EBF2: variants seen among roughly 807,000 people sequenced by gnomAD.
The protein encoded by EBF2 is transcription factor COE2.
A neutral mutation model predicts 72.8 loss-of-function variants in EBF2; 21 were observed. That is an observed-to-expected ratio of 0.29 (90% CI 0.20 to 0.42). The LOEUF (loss-of-function observed/expected upper bound fraction) is 0.42. EBF2 is among the 10% of genes least tolerant of loss of function. EBF2 has a pLI of 1.00. For missense variants in EBF2, 637 were observed against 731.2 expected, an observed-to-expected ratio of 0.87 and a Z score of 1.49; for synonymous variants, 299 against 274.2, an observed-to-expected ratio of 1.09 and a Z score of -0.89.
intron 7 of EBF2, among the ~76,000 whole-genome samples, chr8:25,892,285 TG>T (rs1440364882): frequency 2.0e-5 from 3 of 152,216 alleles, no homozygotes; most frequent in African/African-American, 7.2e-5. Flanking sequence ...CTTATTGTAC[TG>T]TACCTTGGGT....
chr8:25,978,443 A>G (rs1804303111), intron 6 of EBF2, among the ~76,000 whole-genome samples: 1 of 152,204 alleles, frequency 6.6e-6, no homozygotes, highest in African/African-American at 2.4e-5. Context: ...CTGCAAATAA[A>G]TCAGGAATGC....
intron 3 of EBF2, 102 bp downstream of exon 3, chr8:26,040,837 G>A (rs1805587201): frequency 6.4e-7 from 1 of 1,553,088 alleles, no homozygotes; most frequent in Non-Finnish European, 8.8e-7. Context: ...CCGCCGCCCT[G>A]GGCTCCATGC....
chr8:26,032,176 AT>A (rs1397156708), intron 6 of EBF2: 4 of 152,300 alleles, frequency 2.6e-5, no homozygotes, highest in African/African-American at 9.6e-5. Context: ...CAAGATCAGA[AT>A]TCCAGCCTCC....
chr8:25,894,576 C>A (rs1802836733), intron 7 of EBF2, among the ~76,000 whole-genome samples: 1 of 152,096 alleles, frequency 6.6e-6, no homozygotes, highest in South Asian at 2.1e-4. Flanking sequence ...TCTCGTTTTC[C>A]CCCTGGTTTG....
chr8:26,008,017 G>T (rs1433951168), intron 6 of EBF2, among the ~76,000 whole-genome samples: 1 of 152,074 alleles, frequency 6.6e-6, no homozygotes, highest in African/African-American at 2.4e-5. Flanking sequence ...GTTCACAGAG[G>T]CTAATATTTG....
chr8:25,844,928 C>T (rs1413220543), intron 15 of EBF2, among the ~76,000 whole-genome samples: 3 of 152,132 alleles, frequency 2.0e-5, no homozygotes, highest in African/African-American at 7.2e-5. Context: ...AATGAGACAA[C>T]AGATGTAAAC....
chr8:26,037,437 G>T (rs1017672367), intron 5 of EBF2, among the ~76,000 whole-genome samples: 3 of 152,188 alleles, frequency 2.0e-5, no homozygotes. Flanking sequence ...CGCACAGCAT[G>T]GTGGCTTTTG....
At chr8:25,933,633 G>A (rs895414186) in intron 6 of EBF2, among the ~76,000 whole-genome samples, 1 of 152,182 alleles carries the variant, frequency 6.6e-6, no homozygotes, top group African/African-American at 2.4e-5. Flanking sequence ...TACAAAAGAT[G>A]TTCCTTGCAG....
intron 6 of EBF2, among the ~76,000 whole-genome samples, chr8:25,909,078 A>C (rs983814494): frequency 6.6e-6 from 1 of 152,242 alleles, no homozygotes; most frequent in African/African-American, 2.4e-5. Flanking sequence ...GACAAAGTCC[A>C]TCTGTGCAGG....
chr8:26,041,043 C>A, intron 2 of EBF2, 41 bp from the exon 3 acceptor site: 1 of 1,609,948 alleles, frequency 6.2e-7, no homozygotes, highest in Non-Finnish European at 8.5e-7. Context: ...GCCTTTCAGC[C>A]CCCCAAAATG....
intron 6 of EBF2, chr8:26,031,976 T>C (rs1378975662): frequency 6.6e-6 from 1 of 152,222 alleles, no homozygotes; most frequent in Admixed American, 6.5e-5. Flanking sequence ...GCAAAGACAC[T>C]ATACACATCC....
At chr8:25,897,173 G>C (rs1802874234) in intron 7 of EBF2, among the ~76,000 whole-genome samples, 1 of 151,922 alleles carries the variant, frequency 6.6e-6, no homozygotes, top group Non-Finnish European at 1.5e-5. Flanking sequence ...AGAAGGGACT[G>C]GGCATCAATG....
chr8:26,011,111 A>G (rs1180625585), intron 6 of EBF2, among the ~76,000 whole-genome samples: 1 of 152,168 alleles, frequency 6.6e-6, no homozygotes, highest in Non-Finnish European at 1.5e-5. Flanking sequence ...TCAGCTTAGC[A>G]CTTTATGGAT....
At chr8:26,040,831 C>A in intron 3 of EBF2, 108 bp downstream of exon 3, 1 of 1,535,800 alleles carries the variant, frequency 6.5e-7, no homozygotes, top group Non-Finnish European at 8.9e-7. Context: ...AGCCTCCCGC[C>A]GCCCTGGGCT....
chr8:26,039,469 G>A (rs1805563290), intron 5 of EBF2, among the ~76,000 whole-genome samples: 1 of 152,070 alleles, frequency 6.6e-6, no homozygotes, highest in South Asian at 2.1e-4. Flanking sequence ...AGTTCCTTCT[G>A]ACCTGAGAAA....
intron 5 of EBF2, among the ~76,000 whole-genome samples, chr8:26,033,746 T>G (rs915060500): frequency 1.6e-5 from 1 of 64,494 alleles, no homozygotes; most frequent in Admixed American, 2.3e-4. Flanking sequence ...CCCCTGAACT[T>G]AAAATAAAAG....
At chr8:25,997,526 G>C (rs1211030565) in intron 6 of EBF2, among the ~76,000 whole-genome samples, 1 of 147,058 alleles carries the variant, frequency 6.8e-6, no homozygotes, top group Non-Finnish European at 1.5e-5. Flanking sequence ...AGCCAAGATT[G>C]TACCACTGCA....
chr8:25,912,548 C>T (rs909846277), intron 6 of EBF2, among the ~76,000 whole-genome samples: 3 of 149,832 alleles, frequency 2.0e-5, no homozygotes, highest in Non-Finnish European at 3.0e-5. Context: ...ATTCTTGCTT[C>T]TTGAAGAGAC....
chr8:25,852,940 T>TGCTAGCACAGAAATAG lies in EBF2; in HGVS notation c.1529-2195_1529-2180dup, dbSNP rs1802012696. 2.0e-5 allele frequency among the ~76,000 whole-genome samples: 3 copies of TGCTAGCACAGAAATAG among 152,320 alleles called. No individual in the cohort carries two copies. The South Asian group carries it at 6.2e-4, about 32-fold the overall frequency. On this transcript the variant is annotated intron_variant, in intron 14 of 15. Coordinates refer to ENST00000520164, the MANE Select transcript of EBF2 (RefSeq NM_022659.4). ...ATCTTCATCAGTGAAATCAGCATTG[T>TGCTAGCACAGAAATAG]GCTAGCACAGAAATAGGCAGACAAA... is the stretch of plus-strand genomic sequence containing the variant.
Sources: gnomAD v4.1 joint callset for allele counts (sites outside exome capture counted in the v4.1 genomes callset) on GRCh38, gnomAD v4.1.1 for gene constraint, MANE v1.5 for transcripts, NCBI Gene and HGNC (gene_info 2026-07-23, HGNC 2026-07-21) for gene names.